Variants in SOCS5 observed in about 807,000 individuals in gnomAD.
SOCS5 encodes CIS-6.
In SOCS5, 32 loss-of-function variants were observed where a neutral mutation model predicts 42.8. That is an observed-to-expected ratio of 0.75 (90% CI 0.56 to 1.01). SOCS5 has a LOEUF of 1.01. Among genes scored for constraint, SOCS5 ranks in the 50% least tolerant of loss-of-function variants. SOCS5 has a pLI of 0.00. For synonymous variants in SOCS5, 283 were observed against 229.6 expected, an observed-to-expected ratio of 1.23 and a Z score of -2.10; for missense variants, 627 against 653.0, an observed-to-expected ratio of 0.96 and a Z score of 0.43.
intron 1 of SOCS5, among the ~76,000 whole-genome samples, chr2:46,724,425 T>G (rs1217004205): frequency 6.6e-6 from 1 of 152,000 alleles, no homozygotes; most frequent in African/African-American, 2.4e-5. Context: ...TGATTTGGGT[T>G]TGTTTTGCTC....
intron 1 of SOCS5, among the ~76,000 whole-genome samples, chr2:46,703,797 C>T (rs1050427161): frequency 6.6e-6 from 1 of 152,154 alleles, no homozygotes; most frequent in African/African-American, 2.4e-5. Context: ...TTTGCATTGT[C>T]CATCTTAACA....
At chr2:46,736,321 A>G (rs1673245385) in intron 1 of SOCS5, among the ~76,000 whole-genome samples, 1 of 152,078 alleles carries the variant, frequency 6.6e-6, no homozygotes, top group Non-Finnish European at 1.5e-5. Flanking sequence ...GGGATGACAG[A>G]TGTGAGTCAC....
chr2:46,744,333 T>C (rs1673451571), intron 1 of SOCS5, among the ~76,000 whole-genome samples: 1 of 152,164 alleles, frequency 6.6e-6, no homozygotes, highest in Non-Finnish European at 1.5e-5. Flanking sequence ...ATAAGACCAC[T>C]TATTTGATAA....
intron 1 of SOCS5, among the ~76,000 whole-genome samples, chr2:46,745,490 A>G (rs1269414733): frequency 1.3e-5 from 2 of 152,222 alleles, no homozygotes; most frequent in East Asian, 1.9e-4. Flanking sequence ...AGTATTATAC[A>G]TTAGGATTTT....
chr2:46,758,740 C>A lies in SOCS5; in HGVS notation c.210C>A (p.Ser70Arg). ...RENIALQLGLSPSKNSSRRNQ... is the reference protein window; with the variant it reads ...RENIALQLGLRPSKNSSRRNQ... ...ATATTGCCTTACAACTGGGATTAAG[C>A]CCTTCGAAGAATTCTTCAAGGAGAA... Residue 70 changes from serine to arginine, a missense_variant, in exon 2 of 2, where the codon AGC (serine) becomes AGA (arginine). Physicochemically the swap from Ser to Arg is moderately radical, Grantham distance 110. Transcript: ENST00000394861. The A allele has an allele frequency of 6.2e-7, 1 of 1,614,042 alleles. No homozygotes were observed. The highest frequency in any genetic ancestry group is 1.7e-5 in the Admixed American group (1 of 60,012).
chr2:46,739,398 C>A (rs966397004), intron 1 of SOCS5, among the ~76,000 whole-genome samples: 2 of 152,148 alleles, frequency 1.3e-5, no homozygotes, highest in African/African-American at 4.8e-5. Context: ...TTGCGAGTGC[C>A]TCCAAGTACA....
At chr2:46,730,371 C>T (rs991335577) in intron 1 of SOCS5, among the ~76,000 whole-genome samples, 2 of 152,030 alleles carry the variant, frequency 1.3e-5, no homozygotes, top group East Asian at 1.9e-4. Context: ...GAGGCCGAGG[C>T]GGGCGGATTG....
intron 1 of SOCS5, among the ~76,000 whole-genome samples, chr2:46,746,237 T>C (rs989798299): frequency 3.3e-5 from 5 of 152,120 alleles, no homozygotes; most frequent in East Asian, 1.9e-4. Context: ...GGTTGTGAAG[T>C]AGGCTATAGA....
At chr2:46,728,059 C>T (rs1042664180) in intron 1 of SOCS5, among the ~76,000 whole-genome samples, 14 of 152,138 alleles carry the variant, frequency 9.2e-5, no homozygotes, top group African/African-American at 3.4e-4. Context: ...CTGTTAACTG[C>T]CAGGATCCTT....
At chr2:46,753,378 G>T (rs973076406) in intron 1 of SOCS5, among the ~76,000 whole-genome samples, 2 of 152,176 alleles carry the variant, frequency 1.3e-5, no homozygotes, top group Non-Finnish European at 2.9e-5. Flanking sequence ...GTTAAGGAAG[G>T]CTTATCTGAT....
chr2:46,743,531 G>C (rs1673424578), intron 1 of SOCS5, among the ~76,000 whole-genome samples: 1 of 152,070 alleles, frequency 6.6e-6, no homozygotes, highest in Non-Finnish European at 1.5e-5. Flanking sequence ...GGTGGGTTTT[G>C]GTTGGCTTCT....
intron 1 of SOCS5, among the ~76,000 whole-genome samples, chr2:46,729,688 T>A (rs1673072510): frequency 6.6e-6 from 1 of 152,136 alleles, no homozygotes; most frequent in Admixed American, 6.5e-5. Context: ...AGTGAGTGAG[T>A]GAGTGGTGTG....
chr2:46,717,033 C>T (rs1048900542), intron 1 of SOCS5, among the ~76,000 whole-genome samples: 6 of 152,104 alleles, frequency 3.9e-5, no homozygotes, highest in Non-Finnish European at 8.8e-5. Context: ...TTGTTATTTT[C>T]TTGGACGTTT....
chr2:46,747,146 G>C (rs1425569797), intron 1 of SOCS5, among the ~76,000 whole-genome samples: 3 of 151,872 alleles, frequency 2.0e-5, no homozygotes, highest in Non-Finnish European at 4.4e-5. Context: ...GTCAGTTTTG[G>C]TAATTTATGT....
intron 1 of SOCS5, among the ~76,000 whole-genome samples, chr2:46,748,178 CTTTTCT>C (rs1181753587): frequency 1.8e-4 from 26 of 146,930 alleles, no homozygotes; most frequent in African/African-American, 6.2e-4. Flanking sequence ...TGTCTTTTCT[CTTTTCT>C]TTTTCTTTTT....
In SOCS5 at chr2:46,760,341, G is replaced by GC; in HGVS notation, c.*200_*201insC. Reference sequence around the variant, plus strand: ...GGAACAATAGCGGATAGAGCTACAGGTGTTCAGTAAGACTACAAAAACATT... The same window carrying GC: ...GGAACAATAGCGGATAGAGCTACAGGCTGTTCAGTAAGACTACAAAAACATT... On this transcript the variant is annotated 3_prime_UTR_variant, in exon 2 of 2. Transcript: ENST00000394861. 2 of 526,086 alleles carry GC rather than the reference G, an allele frequency of 3.8e-6. No homozygotes were observed. The highest frequency in any genetic ancestry group is 3.1e-5 in the East Asian group (1 of 32,436). The allele number at this position is 526,086 out of a possible 1,614,324, so 32.6% of individuals were successfully genotyped here.
rs1346911559 is a variant in SOCS5, at chr2:46,711,922, A to AT, written c.-13+12475dup. On this transcript the variant is annotated intron_variant, in intron 1 of 1. Coordinates refer to ENST00000394861, the MANE Select transcript of SOCS5 (RefSeq NM_144949.3). ...AAGTGTGGATCTGTCTCTAAACTCT[A>AT]TTCTGTTCATCTGTTTGTCTTTCTG... Among the ~76,000 whole-genome samples, 4 of 152,252 alleles carry AT rather than the reference A, an allele frequency of 2.6e-5. No individual in the cohort carries two copies. The South Asian group carries it at 8.3e-4, about 32-fold the overall frequency.
chr2:46,757,947 A>G (rs1673766207), intron 1 of SOCS5, among the ~76,000 whole-genome samples: 1 of 152,220 alleles, frequency 6.6e-6, no homozygotes, highest in South Asian at 2.1e-4. Flanking sequence ...CTGCTTCTTC[A>G]AAATCATGGA....
chr2:46,733,694 AC>A (rs1286917875), intron 1 of SOCS5, among the ~76,000 whole-genome samples: 32 of 152,358 alleles, frequency 2.1e-4, no homozygotes, highest in African/African-American at 6.7e-4. Flanking sequence ...ACAAATAGAT[AC>A]GAATGATTTG....
Sources: allele counts gnomAD v4.1 joint callset (sites outside exome capture counted in the v4.1 genomes callset), GRCh38; gene constraint gnomAD v4.1.1; transcripts MANE v1.5; gene names NCBI Gene and HGNC (gene_info 2026-07-23, HGNC 2026-07-21).